The following SYTL5 variants were observed in gnomAD, a reference collection of about 807,000 sequenced individuals.
SYTL5 encodes the protein synaptotagmin-like protein 5.
In SYTL5, 34 loss-of-function variants were observed where a neutral mutation model predicts 55.9. The ratio of observed to expected loss-of-function variants is 0.61; its 90% CI spans 0.46 to 0.81. The LOEUF is 0.81. Among genes scored for constraint, SYTL5 ranks in the 30% least tolerant of loss-of-function variants. SYTL5 has a pLI of 0.00. For missense variants in SYTL5, 637 were observed against 546.7 expected, an observed-to-expected ratio of 1.17 and a Z score of -1.65; for synonymous variants, 221 against 188.7, an observed-to-expected ratio of 1.17 and a Z score of -1.40.
chrX:38,035,618 C>T (rs1392479592), intron 2 of SYTL5, among the ~76,000 whole-genome samples: 6 of 109,770 alleles, frequency 5.5e-5, no homozygotes, highest in African/African-American at 1.3e-4. Flanking sequence ...CATTTCTGGC[C>T]GGGCGTGGTG....
At chrX:38,038,863 G>A (rs773405315) in intron 2 of SYTL5, among the ~76,000 whole-genome samples, 1 of 112,132 alleles carries the variant, frequency 8.9e-6, no homozygotes, top group Non-Finnish European at 1.9e-5. Context: ...GTTCGTTTGT[G>A]TGTTTATTTG....
At chrX:38,029,414 A>G (rs1934885196) in intron 1 of SYTL5, among the ~76,000 whole-genome samples, 1 of 112,598 alleles carries the variant, frequency 8.9e-6, no homozygotes, top group Non-Finnish European at 1.9e-5. Flanking sequence ...TGTCTCAATA[A>G]CATATTACAA....
chrX:38,023,977 C>G (rs1278556452), intron 1 of SYTL5: 1 of 109,977 alleles, frequency 9.1e-6, no homozygotes, highest in Non-Finnish European at 1.9e-5. Flanking sequence ...TTGCACCAAC[C>G]TAATACCTTT....
In SYTL5 at chrX:38,103,042, C is replaced by G. The variant is rs770733932; in HGVS notation, c.1155+608C>G. On this transcript the variant is annotated intron_variant, in intron 10 of 16. Coordinates refer to ENST00000297875, the MANE Select transcript of SYTL5 (RefSeq NM_138780.3). ...TCTCTAAAGAGTTCTCAAGCAGGTT[C>G]TGACAGGAAGTGGACCTACCTAAAT... The G allele has an allele frequency of 4.3e-6, 5 of 1,159,672 alleles. No homozygotes were observed. The Admixed American group carries it at 7.8e-5, about 18-fold the overall frequency.
chrX:37,895,454 T>TTCCTTCCTTCCC, the SYTL5 span, among the ~76,000 whole-genome samples: 233 of 82,793 alleles, frequency 2.8e-3, 2 homozygotes, highest in African/African-American at 0.01. Flanking sequence ...CCTTCCTTCC[T>TTCCTTCCTTCCC]TCCCTCCCTC....
intron 3 of SYTL5, among the ~76,000 whole-genome samples, chrX:38,064,284 CA>C (rs1936036927): frequency 9.0e-6 from 1 of 111,499 alleles, no homozygotes; most frequent in Non-Finnish European, 1.9e-5. Flanking sequence ...GTGGTTGTAA[CA>C]ATCAAAACCC....
chrX:37,992,108 T>C, the SYTL5 span, among the ~76,000 whole-genome samples: 1 of 112,976 alleles, frequency 8.9e-6, no homozygotes, highest in Non-Finnish European at 1.9e-5. Flanking sequence ...TTCATTATAA[T>C]TACCATATAT....
chrX:37,943,891 G>A, the SYTL5 span, among the ~76,000 whole-genome samples: 1 of 111,167 alleles, frequency 9.0e-6, no homozygotes, highest in South Asian at 3.8e-4. Flanking sequence ...ATTCACCATG[G>A]CTCCTGTTGA....
the SYTL5 span, among the ~76,000 whole-genome samples, chrX:37,928,868 G>A: frequency 1.8e-5 from 2 of 111,512 alleles, no homozygotes; most frequent in Non-Finnish European, 3.8e-5. Flanking sequence ...TTTCTTATCC[G>A]GAAGGTGGAA....
chrX:38,042,705 C>A (rs1209940028), intron 2 of SYTL5, among the ~76,000 whole-genome samples: 1 of 111,430 alleles, frequency 9.0e-6, no homozygotes, highest in East Asian at 2.8e-4. Context: ...AGAAACAGAA[C>A]AATAAAGCCC....
At chrX:38,033,232 G>A (rs954814888) in intron 1 of SYTL5, among the ~76,000 whole-genome samples, 1 of 111,240 alleles carries the variant, frequency 9.0e-6, no homozygotes, top group Non-Finnish European at 1.9e-5. Flanking sequence ...CCAAAGTGGT[G>A]ACCCAATTCA....
chrX:38,079,475 A>G (rs1391965502), intron 6 of SYTL5, among the ~76,000 whole-genome samples: 1 of 112,172 alleles, frequency 8.9e-6, no homozygotes, highest in Admixed American at 9.4e-5. Flanking sequence ...TTTTAGGAAA[A>G]TAAATGTAAG....
the SYTL5 span, among the ~76,000 whole-genome samples, chrX:37,978,376 G>A: frequency 2.0e-4 from 22 of 111,745 alleles, no homozygotes; most frequent in Non-Finnish European, 4.1e-4. Context: ...GGGGAGACAA[G>A]TTATTATTTC....
At chrX:38,019,372 T>C (rs143056157) in intron 1 of SYTL5, among the ~76,000 whole-genome samples, 1 of 111,993 alleles carries the variant, frequency 8.9e-6, no homozygotes, top group Non-Finnish European at 1.9e-5. Flanking sequence ...CTATTTCTTC[T>C]GGACTAGTTG....
the SYTL5 span, among the ~76,000 whole-genome samples, chrX:37,960,810 A>ATTTATTTATTTATTTT: frequency 6.8e-5 from 6 of 88,565 alleles, no homozygotes; most frequent in African/African-American, 1.2e-4. Flanking sequence ...TTATTTATTT[A>ATTTATTTATTTATTTT]TTTGAGATGG....
the SYTL5 span, among the ~76,000 whole-genome samples, chrX:37,988,705 A>C: frequency 8.9e-6 from 1 of 112,403 alleles, no homozygotes; most frequent in Admixed American, 9.4e-5. Context: ...ATCATAAACA[A>C]ACTATTGATA....
the SYTL5 span, among the ~76,000 whole-genome samples, chrX:37,947,083 C>T: frequency 9.0e-6 from 1 of 111,044 alleles, no homozygotes; most frequent in African/African-American, 3.3e-5. Context: ...TTAAACTTTC[C>T]TCTTTCATTC....
intron 2 of SYTL5, among the ~76,000 whole-genome samples, chrX:38,052,031 T>G (rs772300982): frequency 8.9e-5 from 10 of 112,078 alleles, no homozygotes; most frequent in African/African-American, 3.2e-4. Flanking sequence ...GGATATAATA[T>G]AATTTCTAGA....
the SYTL5 span, among the ~76,000 whole-genome samples, chrX:37,963,213 C>G: frequency 1.8e-5 from 2 of 110,294 alleles, no homozygotes; most frequent in African/African-American, 3.3e-5. Context: ...TCTTAATTTC[C>G]TTTTCAGAAA....
Sources: allele counts gnomAD v4.1 joint callset (sites outside exome capture counted in the v4.1 genomes callset), GRCh38; gene constraint gnomAD v4.1.1; transcripts MANE v1.5; gene names NCBI Gene and HGNC (gene_info 2026-07-23, HGNC 2026-07-21).